The following SLC26A8 variants were observed in gnomAD, a reference collection of about 807,000 sequenced individuals.
SLC26A8 encodes the protein solute carrier family 26 member 8, also known as testis anion transporter 1.
Under a neutral mutation model 105.0 loss-of-function variants are expected in SLC26A8, and 70 were observed. That is an observed-to-expected ratio of 0.67 (90% CI 0.55 to 0.81). The LOEUF (loss-of-function observed/expected upper bound fraction) is 0.81. Ranked by LOEUF, SLC26A8 falls within the 40% of genes least tolerant of loss-of-function variation. The pLI is 0.00. For synonymous variants in SLC26A8, 415 were observed against 438.3 expected (o/e 0.95, Z 0.66); for missense variants, 998 against 1,181.8 (o/e 0.84, Z 2.28).
At chr6:35,968,629 A>G (rs1433909983) in intron 11 of SLC26A8, among the ~76,000 whole-genome samples, 7,305 of 103,498 alleles carry the variant, frequency 0.071, 803 homozygotes, top group African/African-American at 0.26. Context: ...ATATATATAT[A>G]TATATATATA....
intron 16 of SLC26A8, 108 bp from the exon 17 acceptor site, chr6:35,955,628 G>T: frequency 7.1e-7 from 1 of 1,409,846 alleles, no homozygotes; most frequent in Non-Finnish European, 9.6e-7. Flanking sequence ...CCTCTCTCAT[G>T]AAACTTCTCC....
At chr6:35,970,225 A>G (rs1443345133) in intron 10 of SLC26A8, among the ~76,000 whole-genome samples, 2 of 151,992 alleles carry the variant, frequency 1.3e-5, no homozygotes, top group Non-Finnish European at 2.9e-5. Flanking sequence ...TTTTCTCTGT[A>G]TTTTTTACGT....
chr6:35,952,432 A>G (rs1771911601), intron 17 of SLC26A8, among the ~76,000 whole-genome samples: 1 of 152,200 alleles, frequency 6.6e-6, no homozygotes, highest in Non-Finnish European at 1.5e-5. Flanking sequence ...CAGCCAATAT[A>G]TACACTGTGG....
At chr6:35,963,470 G>A (rs1772391267) in intron 11 of SLC26A8, among the ~76,000 whole-genome samples, 1 of 152,184 alleles carries the variant, frequency 6.6e-6, no homozygotes, top group Admixed American at 6.5e-5. Flanking sequence ...TCCTCTTGCT[G>A]AGGCGCCTCA....
chr6:35,964,772 C>A (rs918467131), intron 11 of SLC26A8, among the ~76,000 whole-genome samples: 1 of 151,910 alleles, frequency 6.6e-6, no homozygotes, highest in Non-Finnish European at 1.5e-5. Context: ...TCAAGACCAG[C>A]CTGGCCAACA....
chr6:35,977,550 ATGT>A (rs974200253), intron 8 of SLC26A8, among the ~76,000 whole-genome samples, 199 bp from the exon 9 acceptor site: 1 of 151,994 alleles, frequency 6.6e-6, no homozygotes, highest in Non-Finnish European at 1.5e-5. Flanking sequence ...TTGAGAGAAC[ATGT>A]TGTTGTGTTT....
chr6:35,949,459 T>C (rs1771783528), intron 19 of SLC26A8, among the ~76,000 whole-genome samples: 1 of 151,686 alleles, frequency 6.6e-6, no homozygotes, highest in Non-Finnish European at 1.5e-5. Flanking sequence ...AGATTACCCT[T>C]CAATACCTGT....
intron 1 of SLC26A8, 31 bp downstream of exon 1, chr6:36,024,473 G>A (rs1243419651): frequency 6.7e-6 from 3 of 448,554 alleles, no homozygotes; most frequent in African/African-American, 2.0e-5. Context: ...TGCAGCCCCC[G>A]GCGCCCAGGC....
chr6:35,989,524 C>G (rs973613182), intron 7 of SLC26A8: 3 of 152,154 alleles, frequency 2.0e-5, no homozygotes, highest in African/African-American at 7.2e-5. Flanking sequence ...TAGTATCTCT[C>G]TCTACTTTGT....
chr6:35,963,637 T>G (rs1024968163), intron 11 of SLC26A8, among the ~76,000 whole-genome samples: 2 of 152,254 alleles, frequency 1.3e-5, no homozygotes, highest in Non-Finnish European at 2.9e-5. Flanking sequence ...TATACTCATC[T>G]ATCCCCTTCT....
At chr6:35,986,024 CTTTTT>C (rs34715373) in intron 7 of SLC26A8, among the ~76,000 whole-genome samples, 1 of 71,320 alleles carries the variant, frequency 1.4e-5, no homozygotes, top group Non-Finnish European at 2.7e-5. Context: ...ACATATACAT[CTTTTT>C]TTTTTTTTTT....
chr6:35,977,438 G>GATT, intron 8 of SLC26A8, 87 bp from the exon 9 acceptor site: 2 of 1,145,216 alleles, frequency 1.7e-6, no homozygotes, highest in Non-Finnish European at 2.4e-6. Flanking sequence ...GGGCTGTCCT[G>GATT]ATTCTTTTTT....
chr6:35,970,821 T>C (rs1772764913), intron 10 of SLC26A8, among the ~76,000 whole-genome samples: 1 of 151,716 alleles, frequency 6.6e-6, no homozygotes, highest in Non-Finnish European at 1.5e-5. Flanking sequence ...AGGTCAGGAG[T>C]TCGACACCAG....
intron 19 of SLC26A8, among the ~76,000 whole-genome samples, chr6:35,949,483 T>A (rs1771784697): frequency 6.6e-6 from 1 of 151,952 alleles, no homozygotes; most frequent in Admixed American, 6.6e-5. Context: ...CTGAAATACA[T>A]TCTATTTACA....
intron 2 of SLC26A8, among the ~76,000 whole-genome samples, chr6:36,018,850 C>T (rs996480038): frequency 3.3e-5 from 5 of 152,134 alleles, no homozygotes; most frequent in African/African-American, 1.2e-4. Context: ...CCATGAGTAC[C>T]ACCATGTGGG....
chr6:35,967,192 C>G (rs925310922), intron 11 of SLC26A8, among the ~76,000 whole-genome samples: 1 of 152,134 alleles, frequency 6.6e-6, no homozygotes, highest in Non-Finnish European at 1.5e-5. Context: ...ATCATATGAG[C>G]AGAAGGCAGC....
At chr6:35,947,057 C>A (rs1771701932) in intron 19 of SLC26A8, among the ~76,000 whole-genome samples, 1 of 151,826 alleles carries the variant, frequency 6.6e-6, no homozygotes, top group Non-Finnish European at 1.5e-5. Context: ...GAAACAGGGT[C>A]TCGCTCTGTT....
intron 8 of SLC26A8, among the ~76,000 whole-genome samples, chr6:35,977,943 G>T (rs906914179): frequency 4.0e-5 from 6 of 151,874 alleles, no homozygotes; most frequent in Admixed American, 3.9e-4. Context: ...AAAATTAGCC[G>T]GGTGTGGTGG....
intron 10 of SLC26A8, among the ~76,000 whole-genome samples, chr6:35,970,317 A>C (rs1772740809): frequency 6.6e-6 from 1 of 152,220 alleles, no homozygotes; most frequent in Non-Finnish European, 1.5e-5. Context: ...GCCGAAAATA[A>C]TAGCAATGCA....
Sources: allele counts gnomAD v4.1 joint callset (sites outside exome capture counted in the v4.1 genomes callset), GRCh38; gene constraint gnomAD v4.1.1; transcripts MANE v1.5; gene names NCBI Gene and HGNC (gene_info 2026-07-23, HGNC 2026-07-21).